Variants in FAM222A observed in about 807,000 individuals in gnomAD.
FAM222A encodes family with sequence similarity 222 member A.
A neutral mutation model predicts 25.8 loss-of-function variants in FAM222A; 7 were observed. The observed-to-expected ratio is 0.27, with a 90% confidence interval of 0.15 to 0.51. FAM222A has a LOEUF of 0.51. Among genes scored for constraint, FAM222A ranks in the 20% least tolerant of loss-of-function variants. The pLI is 0.97. For missense variants in FAM222A, 573 were observed against 640.5 expected, an observed-to-expected ratio of 0.89 and a Z score of 1.14; for synonymous variants, 294 against 298.8, an observed-to-expected ratio of 0.98 and a Z score of 0.17.
intron 2 of FAM222A, among the ~76,000 whole-genome samples, chr12:109,754,512 A>G (rs1888655881): frequency 1.3e-5 from 2 of 152,364 alleles, no homozygotes; most frequent in African/African-American, 4.8e-5. Flanking sequence ...TGTGAGCCAT[A>G]CAGTTTCTTT....
intron 1 of FAM222A, among the ~76,000 whole-genome samples, chr12:109,717,770 G>T (rs528430212): frequency 2.0e-5 from 3 of 152,312 alleles, no homozygotes; most frequent in South Asian, 4.1e-4. Context: ...CTCTCTTAAG[G>T]TTGGCCCCAC....
intron 1 of FAM222A, among the ~76,000 whole-genome samples, chr12:109,732,539 C>CATCAG (rs1485368704): frequency 2.0e-5 from 3 of 152,270 alleles, no homozygotes; most frequent in Non-Finnish European, 2.9e-5. Context: ...GTCTTTTCCA[C>CATCAG]ATCAGATCAT....
intron 1 of FAM222A, among the ~76,000 whole-genome samples, chr12:109,733,468 A>T (rs1250193008): frequency 6.7e-6 from 1 of 150,146 alleles, no homozygotes; most frequent in African/African-American, 2.5e-5. Context: ...GTGGCGTGTG[A>T]TCTCAGCTCA....
intron 2 of FAM222A, among the ~76,000 whole-genome samples, chr12:109,756,257 T>A (rs527310259): frequency 6.6e-5 from 10 of 152,324 alleles, no homozygotes; most frequent in African/African-American, 2.2e-4. Context: ...GATTTTTGTA[T>A]ATTGATCTTG....
intron 2 of FAM222A, 121 bp downstream of exon 2, chr12:109,744,349 C>T (rs1888332327): frequency 4.2e-6 from 6 of 1,436,004 alleles, no homozygotes; most frequent in East Asian, 2.5e-5. Context: ...CTTAGGCCCC[C>T]AGGCCTTGGC....
intron 2 of FAM222A, among the ~76,000 whole-genome samples, chr12:109,765,380 C>T (rs1467626706): frequency 6.6e-6 from 1 of 152,208 alleles, no homozygotes; most frequent in Non-Finnish European, 1.5e-5. Flanking sequence ...GAGCCGCTTT[C>T]CTGCAGCGAA....
intron 1 of FAM222A, among the ~76,000 whole-genome samples, chr12:109,730,906 C>T (rs907239740): frequency 2.0e-5 from 3 of 152,178 alleles, no homozygotes; most frequent in African/African-American, 7.2e-5. Context: ...CCCCTGAGCC[C>T]ATCACTGTCA....
chr12:109,726,119 TAAAAAAAAAA>T (rs11464580), intron 1 of FAM222A, among the ~76,000 whole-genome samples: 4 of 110,382 alleles, frequency 3.6e-5, no homozygotes, highest in Non-Finnish European at 5.4e-5. Flanking sequence ...AAAAAATTGC[TAAAAAAAAAA>T]AAAAAAAAAA....
chr12:109,765,088 T>C (rs1160706679), intron 2 of FAM222A, among the ~76,000 whole-genome samples: 1 of 152,132 alleles, frequency 6.6e-6, no homozygotes, highest in Non-Finnish European at 1.5e-5. Context: ...CAGAGGCAAA[T>C]AAGCCCACTG....
intron 2 of FAM222A, among the ~76,000 whole-genome samples, chr12:109,760,382 G>A (rs1051576220): frequency 6.6e-6 from 1 of 152,186 alleles, no homozygotes; most frequent in Non-Finnish European, 1.5e-5. Context: ...ATCAGTGTGA[G>A]AGAATGGGCC....
Position 109,732,712 on chromosome 12 carries a change from G to T in FAM222A, c.-46-11389G>T, listed in dbSNP as rs369019263. On this transcript the variant is annotated intron_variant, in intron 1 of 2. Transcript: ENST00000538780. ...GGTGGGGGGAGGTGTGTGTGAGAGT[G>T]TACGCAGGACATGTTCCCCACACAC... is the stretch of plus-strand genomic sequence containing the variant. Among the ~76,000 whole-genome samples, 47 of 152,334 alleles carry T rather than the reference G, an allele frequency of 3.1e-4. 2 individuals carry two copies. The East Asian group carries it at 7.5e-3, about 24-fold the overall frequency.
intron 1 of FAM222A, among the ~76,000 whole-genome samples, chr12:109,729,582 C>A (rs1407834410): frequency 6.6e-6 from 1 of 152,216 alleles, no homozygotes; most frequent in Non-Finnish European, 1.5e-5. Flanking sequence ...GGAAAAAAAA[C>A]ACAAAATGAA....
chr12:109,727,336 G>GC (rs896372788), intron 1 of FAM222A, among the ~76,000 whole-genome samples: 1 of 152,162 alleles, frequency 6.6e-6, no homozygotes, highest in African/African-American at 2.4e-5. Context: ...AGGGGGTGCT[G>GC]CCAGCTGCCA....
rs183655717 is a variant in FAM222A at position 109,720,552 on chromosome 12, A to G, written c.-47+5655A>G. ...GCAGATCTCCGTCTCTTCATCTGTG[A>G]TGGGCCAAGGGACCACCTTAGAGGG... is the stretch of plus-strand genomic sequence containing the variant. On this transcript the variant is annotated intron_variant, in intron 1 of 2. Transcript: ENST00000538780. Among the ~76,000 whole-genome samples the G allele has an allele frequency of 4.2e-3, 638 of 152,330 alleles. 6 individuals are homozygous for G. Among genetic ancestry groups the G allele is most frequent in the African/African-American group, 0.015 (606 of 41,570 alleles).
At chr12:109,745,283 A>G (rs965577373) in intron 2 of FAM222A, among the ~76,000 whole-genome samples, 4 of 152,354 alleles carry the variant, frequency 2.6e-5, no homozygotes, top group African/African-American at 9.6e-5. Context: ...TCTGTATGTC[A>G]GCTTCTAAAG....
chr12:109,730,108 C>T lies in FAM222A; in HGVS notation c.-46-13993C>T, dbSNP rs150824450. On this transcript the variant is annotated intron_variant, in intron 1 of 2. Transcript: ENST00000538780. ...GGTCCCTCCTAACCCCTGTGGCCTG[C>T]GTCCACTCTTCCCTTGCCCACGCCA... is the stretch of plus-strand genomic sequence containing the variant. 1.9e-3 allele frequency among the ~76,000 whole-genome samples: 292 copies of T among 152,324 alleles called. 4 individuals are homozygous for T. The highest frequency in any genetic ancestry group is 7.3e-4 in the Non-Finnish European group (50 of 68,034).
chr12:109,719,927 C>T (rs546877432), intron 1 of FAM222A, among the ~76,000 whole-genome samples: 33 of 152,282 alleles, frequency 2.2e-4, no homozygotes, highest in Admixed American at 1.9e-3. Context: ...GGCTGAAACC[C>T]GGTGAGAGAG....
intron 2 of FAM222A, among the ~76,000 whole-genome samples, chr12:109,747,601 C>G (rs967431528): frequency 2.1e-4 from 32 of 152,210 alleles, no homozygotes; most frequent in Admixed American, 1.9e-3. Context: ...ATGACACTGC[C>G]TTTCCCACCA....
chr12:109,739,319 G>A (rs1302755811), intron 1 of FAM222A, among the ~76,000 whole-genome samples: 1 of 152,248 alleles, frequency 6.6e-6, no homozygotes, highest in Non-Finnish European at 1.5e-5. Flanking sequence ...AGAGAGGTCA[G>A]GAACATTCAT....
Sources: allele counts gnomAD v4.1 joint callset (sites outside exome capture counted in the v4.1 genomes callset), GRCh38; gene constraint gnomAD v4.1.1; transcripts MANE v1.5; gene names NCBI Gene and HGNC (gene_info 2026-07-23, HGNC 2026-07-21).